KCNIP4: variants seen among roughly 807,000 people sequenced by gnomAD.
The protein encoded by KCNIP4 is Kv channel-interacting protein 4.
KCNIP4 carries 12 observed loss-of-function variants against 34.0 expected under a neutral mutation model. The observed-to-expected ratio is 0.35, with a 90% CI of 0.23 to 0.57. The LOEUF (loss-of-function observed/expected upper bound fraction) is 0.57, where lower values mean the gene tolerates loss of function less well. Ranked by LOEUF, KCNIP4 falls within the 20% of genes least tolerant of loss-of-function variation. The probability of loss-of-function intolerance (pLI) is 0.83; values close to 1 mark genes in which losing one functional copy is unlikely to be tolerated. For missense variants in KCNIP4, 238 were observed against 311.7 expected (o/e 0.76, Z 1.78); for synonymous variants, 124 against 102.2 (o/e 1.21, Z -1.29).
chr4:21,415,986 G>A (rs747098901), intron 1 of KCNIP4, among the ~76,000 whole-genome samples: 1 of 152,178 alleles, frequency 6.6e-6, no homozygotes, highest in African/African-American at 2.4e-5. Flanking sequence ...ACGGTAAAAT[G>A]AGAAGCTTCT....
intron 1 of KCNIP4, among the ~76,000 whole-genome samples, chr4:21,074,105 T>G (rs1438368401): frequency 6.6e-6 from 1 of 152,134 alleles, no homozygotes; most frequent in African/African-American, 2.4e-5. Context: ...TCTCTTTTTT[T>G]GTTGTGTCTT....
chr4:21,217,226 G>A (rs964239013), intron 1 of KCNIP4, among the ~76,000 whole-genome samples: 9 of 152,138 alleles, frequency 5.9e-5, no homozygotes, highest in South Asian at 2.1e-4. Context: ...TAATATTTAC[G>A]AAGTGCTTAT....
intron 3 of KCNIP4, among the ~76,000 whole-genome samples, chr4:20,828,987 A>G (rs2149454847): frequency 6.6e-6 from 1 of 152,270 alleles, no homozygotes; most frequent in South Asian, 2.1e-4. Flanking sequence ...TAGCTTTTCA[A>G]TTGGGGACGT....
chr4:21,612,301 T>G (rs2109149670), intron 1 of KCNIP4, among the ~76,000 whole-genome samples: 1 of 152,304 alleles, frequency 6.6e-6, no homozygotes, highest in Non-Finnish European at 1.5e-5. Flanking sequence ...GAAACAAAGT[T>G]TTTGTATAGA....
intron 1 of KCNIP4, among the ~76,000 whole-genome samples, chr4:20,925,171 C>G (rs138178446): frequency 6.6e-6 from 1 of 152,070 alleles, no homozygotes; most frequent in East Asian, 1.9e-4. Context: ...CCCACATACC[C>G]GCTCGGTGAG....
At position 21,425,036 on chromosome 4, in the gene KCNIP4, A is replaced by G. The variant is rs550626102; in HGVS notation, c.61+523535T>C. ...TTCAGTACAGACATGAGATAGGACA[A>G]AATAATATGATGGGGGAAGGGACAT... On this transcript the variant is annotated intron_variant, in intron 1 of 8. Coordinates refer to ENST00000382152, the MANE Select transcript of KCNIP4 (RefSeq NM_025221.6). Among the ~76,000 whole-genome samples the G allele has an allele frequency of 3.3e-4, 51 of 152,324 alleles. No individual in the cohort carries two copies. In the Middle Eastern group the frequency reaches 0.017, roughly 51 times the overall value.
At chr4:21,007,933 T>TAGTTTAA (rs1434614457) in intron 1 of KCNIP4, among the ~76,000 whole-genome samples, 88 of 152,332 alleles carry the variant, frequency 5.8e-4, no homozygotes, top group African/African-American at 2.0e-3. Context: ...AGAGAACAGT[T>TAGTTTAA]AGTTTAATTG....
chr4:20,997,099 C>G (rs1737620467), intron 1 of KCNIP4, among the ~76,000 whole-genome samples: 1 of 152,048 alleles, frequency 6.6e-6, no homozygotes, highest in South Asian at 2.1e-4. Flanking sequence ...CTGCAAATAT[C>G]TATAAGAGAG....
At chr4:21,756,400 A>G (rs938647770) in intron 1 of KCNIP4, among the ~76,000 whole-genome samples, 6 of 152,224 alleles carry the variant, frequency 3.9e-5, no homozygotes, top group Non-Finnish European at 4.4e-5. Flanking sequence ...CTAAAAATAC[A>G]AAAATTATCC....
chr4:21,828,333 G>C (rs1339717452), intron 1 of KCNIP4, among the ~76,000 whole-genome samples: 1 of 151,566 alleles, frequency 6.6e-6, no homozygotes, highest in Non-Finnish European at 1.5e-5. Flanking sequence ...AAAGACAGAG[G>C]GAATATGAAA....
At chr4:21,797,237 G>A (rs73256556) in intron 1 of KCNIP4, among the ~76,000 whole-genome samples, 52,603 of 151,962 alleles carry the variant, frequency 0.35, 10,761 homozygotes, top group Non-Finnish European at 0.48. Flanking sequence ...AGCTTCACGC[G>A]TCTACGCACA....
chr4:20,782,161 G>A (rs1400745768), intron 3 of KCNIP4, among the ~76,000 whole-genome samples: 2 of 152,186 alleles, frequency 1.3e-5, no homozygotes, highest in Non-Finnish European at 2.9e-5. Context: ...GTCTTGGGAA[G>A]CTCTGCCCCT....
intron 1 of KCNIP4, among the ~76,000 whole-genome samples, chr4:20,995,399 G>A (rs770680420): frequency 1.3e-5 from 2 of 152,100 alleles, no homozygotes; most frequent in Non-Finnish European, 2.9e-5. Context: ...CAAACACTCT[G>A]TTTCTAAAAG....
intron 1 of KCNIP4, among the ~76,000 whole-genome samples, chr4:21,591,431 A>G (rs1050079170): frequency 2.0e-5 from 3 of 152,052 alleles, no homozygotes; most frequent in Non-Finnish European, 4.4e-5. Context: ...TCAAGCTTTT[A>G]TTGTCTTTGA....
chr4:21,318,838 G>C (rs1714072708), intron 1 of KCNIP4, among the ~76,000 whole-genome samples: 1 of 151,834 alleles, frequency 6.6e-6, no homozygotes, highest in Non-Finnish European at 1.5e-5. Context: ...ATTTTTCCTG[G>C]ACATTAGAAA....
intron 5 of KCNIP4, among the ~76,000 whole-genome samples, chr4:20,741,062 T>C (rs1750956750): frequency 6.6e-6 from 1 of 152,086 alleles, no homozygotes; most frequent in South Asian, 2.1e-4. Context: ...AGCACCCAGA[T>C]TCATAAAACA....
At chr4:21,074,778 G>A (rs561844170) in intron 1 of KCNIP4, among the ~76,000 whole-genome samples, 13 of 152,266 alleles carry the variant, frequency 8.5e-5, no homozygotes, top group Admixed American at 8.5e-4. Flanking sequence ...GGCATTTAGT[G>A]CTATAAATTT....
chr4:21,295,736 G>A (rs1039877148), intron 1 of KCNIP4, among the ~76,000 whole-genome samples: 1 of 152,058 alleles, frequency 6.6e-6, no homozygotes, highest in African/African-American at 2.4e-5. Flanking sequence ...CCCTGTTTCT[G>A]TCCCCATGCT....
intron 1 of KCNIP4, among the ~76,000 whole-genome samples, chr4:21,527,736 T>A (rs1736093348): frequency 6.6e-6 from 1 of 152,154 alleles, no homozygotes; most frequent in Non-Finnish European, 1.5e-5. Flanking sequence ...TAAAAACTGA[T>A]TTGTATAATC....
Sources: allele counts gnomAD v4.1 joint callset (sites outside exome capture counted in the v4.1 genomes callset), GRCh38; gene constraint gnomAD v4.1.1; transcripts MANE v1.5; gene names NCBI Gene and HGNC (gene_info 2026-07-23, HGNC 2026-07-21).